Variants in ANO4 observed in about 807,000 individuals in gnomAD.
ANO4 encodes the protein anoctamin 4, also known as anoctamin-4.
In ANO4, 69 loss-of-function variants were observed where a neutral mutation model predicts 141.9. The observed-to-expected ratio is 0.49, with a 90% confidence interval of 0.40 to 0.59. The LOEUF (loss-of-function observed/expected upper bound fraction) is 0.59, where lower values mean the gene tolerates loss of function less well. ANO4 is among the 20% of genes least tolerant of loss of function. The probability of loss-of-function intolerance (pLI) is 0.00; values close to 1 mark genes in which losing one functional copy is unlikely to be tolerated. For missense variants in ANO4, 894 were observed against 1,162.2 expected, an observed-to-expected ratio of 0.77 and a Z score of 3.36; for synonymous variants, 350 against 394.3, an observed-to-expected ratio of 0.89 and a Z score of 1.33.
At chr12:100,972,085 T>C (rs1453964623) in intron 6 of ANO4, among the ~76,000 whole-genome samples, 1 of 152,196 alleles carries the variant, frequency 6.6e-6, no homozygotes, top group Non-Finnish European at 1.5e-5. Context: ...AACCTCAAAT[T>C]AGAAATGCCA....
intron 2 of ANO4, 27 bp downstream of exon 2, chr12:100,901,867 A>G (rs2040609289): frequency 5.8e-6 from 9 of 1,564,626 alleles, no homozygotes; most frequent in Non-Finnish European, 7.8e-6. Context: ...TTCAACGGGG[A>G]CCCATTTCAG....
At chr12:100,957,603 A>G (rs533485869) in intron 5 of ANO4, among the ~76,000 whole-genome samples, 4 of 152,088 alleles carry the variant, frequency 2.6e-5, no homozygotes, top group African/African-American at 9.6e-5. Flanking sequence ...TATTATTTTT[A>G]TTTCTTCTGA....
At chr12:100,972,167 G>A (rs563152989) in intron 6 of ANO4, among the ~76,000 whole-genome samples, 4 of 152,190 alleles carry the variant, frequency 2.6e-5, no homozygotes, top group Non-Finnish European at 5.9e-5. Flanking sequence ...CAGTTCTGAG[G>A]GGACTCGAAG....
At chr12:100,925,842 T>C (rs201736534) in intron 3 of ANO4, among the ~76,000 whole-genome samples, 1 of 136,076 alleles carries the variant, frequency 7.3e-6, no homozygotes, top group Non-Finnish European at 1.7e-5. Context: ...TACATACATA[T>C]ATATACACAC....
At chr12:100,929,443 G>C (rs1467717011) in intron 3 of ANO4, among the ~76,000 whole-genome samples, 1 of 152,060 alleles carries the variant, frequency 6.6e-6, no homozygotes, top group African/African-American at 2.4e-5. Flanking sequence ...GCAAATGACA[G>C]AATCTCATAT....
intron 3 of ANO4, among the ~76,000 whole-genome samples, chr12:100,771,046 A>G (rs929505993): frequency 6.6e-6 from 1 of 152,202 alleles, no homozygotes; most frequent in Admixed American, 6.5e-5. Context: ...TTAAAAATAC[A>G]CATTTTAGAG....
chr12:100,856,597 G>C (rs2038185138), intron 1 of ANO4, among the ~76,000 whole-genome samples: 1 of 152,116 alleles, frequency 6.6e-6, no homozygotes, highest in Admixed American at 6.6e-5. Flanking sequence ...AGCTATTTCA[G>C]CTTGGCAAGA....
At chr12:101,080,943 G>C (rs905432692) in intron 15 of ANO4, among the ~76,000 whole-genome samples, 8 of 124,416 alleles carry the variant, frequency 6.4e-5, no homozygotes, top group African/African-American at 2.4e-4. Context: ...TCTTCAAGTG[G>C]CCAATTTTCA....
chr12:101,093,175 C>A (rs1456707344), intron 17 of ANO4, among the ~76,000 whole-genome samples: 1 of 152,064 alleles, frequency 6.6e-6, no homozygotes, highest in Admixed American at 6.6e-5. Flanking sequence ...TTAATATATC[C>A]TAATATAGCA....
At chr12:101,033,737 A>G (rs1286738273) in intron 9 of ANO4, among the ~76,000 whole-genome samples, 1 of 152,192 alleles carries the variant, frequency 6.6e-6, no homozygotes. Context: ...TTTGCAATCT[A>G]GCCATCTGAC....
intron 17 of ANO4, among the ~76,000 whole-genome samples, chr12:101,090,815 G>A (rs111737242): frequency 3.3e-5 from 5 of 152,008 alleles, no homozygotes; most frequent in African/African-American, 1.2e-4. Context: ...CATATGTTTC[G>A]AGCAGGTGCC....
chr12:100,898,303 C>T (rs532244768), intron 1 of ANO4, among the ~76,000 whole-genome samples: 3 of 152,282 alleles, frequency 2.0e-5, no homozygotes, highest in African/African-American at 4.8e-5. Context: ...TAAATGTTAA[C>T]ATTTTCAAAT....
At chr12:100,944,384 A>AT (rs1245009566) in intron 5 of ANO4, among the ~76,000 whole-genome samples, 5 of 152,132 alleles carry the variant, frequency 3.3e-5, no homozygotes, top group East Asian at 3.9e-4. Flanking sequence ...TAAAAAAAAA[A>AT]TTTTAACAGG....
chr12:100,818,865 A>G (rs753685833), intron 1 of ANO4, among the ~76,000 whole-genome samples: 4 of 151,894 alleles, frequency 2.6e-5, no homozygotes, highest in South Asian at 2.1e-4. Flanking sequence ...CCTGCAATAC[A>G]CAGGACAGGT....
intron 22 of ANO4, among the ~76,000 whole-genome samples, chr12:101,108,408 C>T (rs1262072004): frequency 4.7e-5 from 7 of 149,244 alleles, no homozygotes; most frequent in Non-Finnish European, 7.5e-5. Flanking sequence ...AGAGTCCTTT[C>T]TTACTTAACT....
intron 3 of ANO4, among the ~76,000 whole-genome samples, chr12:100,750,801 A>G (rs1234963413): frequency 1.3e-5 from 2 of 152,156 alleles, no homozygotes; most frequent in Non-Finnish European, 2.9e-5. Flanking sequence ...AACCAAATGA[A>G]AATCCCAGCA....
Position 101,097,827 on chromosome 12 carries a change from C to A in ANO4, c.1909-21C>A, listed in dbSNP as rs188621077. On this transcript the variant is annotated intron_variant, in intron 20 of 27. Coordinates refer to ENST00000392977, the MANE Select transcript of ANO4 (RefSeq NM_001286615.2). ...TTCCTCTCCATTGATTCTGGAATTTCTGTGTTTGCTTACCTTGCAGTGCCA... is the reference window on the plus strand; with the variant it reads ...TTCCTCTCCATTGATTCTGGAATTTATGTGTTTGCTTACCTTGCAGTGCCA... 29 of 1,611,120 alleles carry A rather than the reference C, an allele frequency of 1.8e-5. No individual in the cohort carries two copies. The African/African-American group carries it at 3.5e-4, about 19-fold the overall frequency.
intron 3 of ANO4, among the ~76,000 whole-genome samples, chr12:100,781,097 C>T (rs1347145628): frequency 1.3e-5 from 2 of 152,152 alleles, no homozygotes; most frequent in Non-Finnish European, 2.9e-5. Context: ...AAAATTCTGT[C>T]ATAGCTTTTA....
At chr12:100,825,948 A>G (rs947273986) in intron 1 of ANO4, among the ~76,000 whole-genome samples, 1 of 152,034 alleles carries the variant, frequency 6.6e-6, no homozygotes, top group Non-Finnish European at 1.5e-5. Context: ...AAATTACTTT[A>G]TTATAGAAGC....
Sources: allele counts gnomAD v4.1 joint callset (sites outside exome capture counted in the v4.1 genomes callset), GRCh38; gene constraint gnomAD v4.1.1; transcripts MANE v1.5; gene names NCBI Gene and HGNC (gene_info 2026-07-23, HGNC 2026-07-21).